SERPINB10: variants seen among roughly 807,000 people sequenced by gnomAD.
SERPINB10 encodes the protein serpin B10.
In SERPINB10, 35 loss-of-function variants were observed where a neutral mutation model predicts 39.1. That is an observed-to-expected ratio of 0.90 (90% CI 0.68 to 1.19). The LOEUF (loss-of-function observed/expected upper bound fraction) is 1.19, where lower values mean the gene tolerates loss of function less well. SERPINB10 is among the 50% of genes most tolerant of loss of function. The pLI is 0.00. For missense variants in SERPINB10, 546 were observed against 460.5 expected (o/e 1.19, Z -1.70); for synonymous variants, 190 against 158.1 (o/e 1.20, Z -1.52).
intron 7 of SERPINB10, among the ~76,000 whole-genome samples, chr18:63,934,022 T>G (rs1454504362): frequency 6.6e-6 from 1 of 152,056 alleles, no homozygotes; most frequent in Non-Finnish European, 1.5e-5. Flanking sequence ...ACCATCAGAG[T>G]CAAGCCCTTG....
At position 63,931,829 on chromosome 18, in the gene SERPINB10, G is replaced by GA. The variant is rs563995169; in HGVS notation, c.634-1215dup. Among the ~76,000 whole-genome samples the GA allele has an allele frequency of 2.9e-3, 449 of 152,264 alleles. 2 individuals carry two copies. The highest frequency in any genetic ancestry group is 6.4e-3 in the South Asian group (31 of 4,830). On this transcript the variant is annotated intron_variant, in intron 6 of 7. Transcript: ENST00000238508. Reference sequence around the variant, plus strand: ...GATGTCGTACTGTTCTATGGATTTTGAAAATGTTCAATATCACGTAGCCAC... The same window carrying GA: ...GATGTCGTACTGTTCTATGGATTTTGAAAAATGTTCAATATCACGTAGCCAC...
At chr18:63,924,518 T>G (rs1296510609) in intron 5 of SERPINB10, among the ~76,000 whole-genome samples, 1 of 152,014 alleles carries the variant, frequency 6.6e-6, no homozygotes, top group Non-Finnish European at 1.5e-5. Flanking sequence ...CCAGATGAAC[T>G]AATTCAGATA....
At chr18:63,909,580 A>T (rs2050049178) in intron 1 of SERPINB10, among the ~76,000 whole-genome samples, 1 of 152,064 alleles carries the variant, frequency 6.6e-6, no homozygotes, top group African/African-American at 2.4e-5. Context: ...ATTAGCTTTT[A>T]TAATAGAGAA....
At chr18:63,927,550 C>T (rs2050189633) in intron 5 of SERPINB10, among the ~76,000 whole-genome samples, 1 of 152,024 alleles carries the variant, frequency 6.6e-6, no homozygotes, top group South Asian at 2.1e-4. Flanking sequence ...GTGGAGGGGG[C>T]AAACAGGCTC....
At chr18:63,914,861 T>A (rs2050089853) in intron 1 of SERPINB10, among the ~76,000 whole-genome samples, 1 of 152,004 alleles carries the variant, frequency 6.6e-6, no homozygotes, top group African/African-American at 2.4e-5. Flanking sequence ...TCAAAAAAGA[T>A]GAGGAAAACT....
At chr18:63,909,816 A>G (rs1443028971) in intron 1 of SERPINB10, among the ~76,000 whole-genome samples, 2 of 152,090 alleles carry the variant, frequency 1.3e-5, no homozygotes, top group Non-Finnish European at 2.9e-5. Flanking sequence ...AATGAGTAAG[A>G]GCCTTAAAGG....
At chr18:63,933,946 CA>C (rs1247221483) in intron 7 of SERPINB10, among the ~76,000 whole-genome samples, 1 of 152,062 alleles carries the variant, frequency 6.6e-6, no homozygotes, top group East Asian at 1.9e-4. Context: ...AAAATATTTC[CA>C]AATTATGTCA....
At chr18:63,912,012 C>T (rs1354511606) in intron 1 of SERPINB10, among the ~76,000 whole-genome samples, 1 of 150,404 alleles carries the variant, frequency 6.6e-6, no homozygotes, top group Non-Finnish European at 1.5e-5. Context: ...AGGTGTATTC[C>T]TGGGTATTTT....
chr18:63,922,699 A>C (rs1241687971), intron 5 of SERPINB10, among the ~76,000 whole-genome samples: 2 of 151,930 alleles, frequency 1.3e-5, no homozygotes, highest in African/African-American at 4.8e-5. Flanking sequence ...CACTGAAGGT[A>C]CATAACAAAA....
At chr18:63,912,745 C>T (rs984319327) in intron 1 of SERPINB10, among the ~76,000 whole-genome samples, 3 of 151,754 alleles carry the variant, frequency 2.0e-5, no homozygotes, top group Admixed American at 1.3e-4. Context: ...GTTTCTTCTT[C>T]TATTGTGTTT....
At chr18:63,930,295 C>T (rs147960995) in intron 6 of SERPINB10, 108 bp downstream of exon 6, 17 of 1,249,880 alleles carry the variant, frequency 1.4e-5, no homozygotes, top group Non-Finnish European at 1.9e-5. Flanking sequence ...AACTATGGCT[C>T]TTACCAGGGA....
At chr18:63,911,022 A>G (rs558115388) in intron 1 of SERPINB10, among the ~76,000 whole-genome samples, 37 of 152,022 alleles carry the variant, frequency 2.4e-4, no homozygotes, top group Middle Eastern at 3.4e-3. Flanking sequence ...TATGGTTTGG[A>G]CTTGCATTTC....
At chr18:63,924,373 G>C (rs980861992) in intron 5 of SERPINB10, among the ~76,000 whole-genome samples, 3 of 151,934 alleles carry the variant, frequency 2.0e-5, no homozygotes, top group Middle Eastern at 3.2e-3. Context: ...ACTCTAGACA[G>C]TAAGCTAATG....
Position 63,909,858 on chromosome 18 carries a change from A to T in SERPINB10, c.-10+1818A>T, listed in dbSNP as rs898827681. Among the ~76,000 whole-genome samples the T allele has an allele frequency of 2.6e-5, 4 of 152,216 alleles. No homozygotes were observed. The East Asian group carries it at 7.7e-4, about 29-fold the overall frequency. ...AGAGTTATTTTGAAGATGGCATTTGATCTGTTGAGGAAGAAAGTCACAGGC... is the reference window on the plus strand; with the variant it reads ...AGAGTTATTTTGAAGATGGCATTTGTTCTGTTGAGGAAGAAAGTCACAGGC... On this transcript the variant is annotated intron_variant, in intron 1 of 7. Coordinates refer to ENST00000238508, the MANE Select transcript of SERPINB10 (RefSeq NM_005024.3).
intron 5 of SERPINB10, among the ~76,000 whole-genome samples, chr18:63,923,151 C>T (rs970536328): frequency 1.3e-4 from 20 of 151,908 alleles, no homozygotes; most frequent in Non-Finnish European, 2.7e-4. Flanking sequence ...CCTTGTTTGC[C>T]ACATCCCATT....
intron 4 of SERPINB10, among the ~76,000 whole-genome samples, chr18:63,919,089 A>G (rs1466589363): frequency 6.6e-6 from 1 of 152,046 alleles, no homozygotes; most frequent in African/African-American, 2.4e-5. Flanking sequence ...TGCATAAAGT[A>G]AGCAAATTGA....
intron 5 of SERPINB10, among the ~76,000 whole-genome samples, chr18:63,921,624 C>T (rs1057459220): frequency 6.6e-6 from 1 of 151,906 alleles, no homozygotes; most frequent in Non-Finnish European, 1.5e-5. Context: ...CATTTACCAC[C>T]CAAATTACCT....
rs374877427 is a variant in SERPINB10, at chr18:63,910,702, A to G, written c.-10+2662A>G. 9.2e-5 allele frequency among the ~76,000 whole-genome samples: 14 copies of G among 151,888 alleles called. 1 individual carries two copies. The highest frequency in any genetic ancestry group is 7.2e-4 in the Admixed American group (11 of 15,226). The stretch of plus-strand genomic sequence containing the variant: ...GTATTCCTTATCCAATCCAACACTG[A>G]TAGGCACCTAGGTTGATTTCATGTC... On this transcript the variant is annotated intron_variant, in intron 1 of 7. Coordinates refer to ENST00000238508, the MANE Select transcript of SERPINB10 (RefSeq NM_005024.3).
chr18:63,916,822 C>G (rs1269605619), intron 2 of SERPINB10, among the ~76,000 whole-genome samples: 1 of 151,940 alleles, frequency 6.6e-6, no homozygotes, highest in African/African-American at 2.4e-5. Flanking sequence ...TAACATGGGT[C>G]AATGCAACCG....
Sources: gnomAD v4.1 joint callset for allele counts (sites outside exome capture counted in the v4.1 genomes callset) on GRCh38, gnomAD v4.1.1 for gene constraint, MANE v1.5 for transcripts, NCBI Gene and HGNC (gene_info 2026-07-23, HGNC 2026-07-21) for gene names.